MYO1D: variants seen among roughly 807,000 people sequenced by gnomAD.
MYO1D encodes the protein myosin ID.
Under a neutral mutation model 122.0 loss-of-function variants are expected in MYO1D, and 83 were observed. The ratio of observed to expected loss-of-function variants is 0.68; its 90% confidence interval spans 0.57 to 0.82. The LOEUF is 0.82. Among genes scored for constraint, MYO1D ranks in the 40% least tolerant of loss-of-function variants. The probability of loss-of-function intolerance (pLI) is 0.00; values close to 1 mark genes in which losing one functional copy is unlikely to be tolerated. For missense variants in MYO1D, 1,157 were observed against 1,269.5 expected (o/e 0.91, Z 1.35); for synonymous variants, 464 against 446.9 (o/e 1.04, Z -0.48).
chr17:32,808,153 T>C (rs2090535050), intron 1 of MYO1D, among the ~76,000 whole-genome samples: 1 of 152,028 alleles, frequency 6.6e-6, no homozygotes, highest in Admixed American at 6.6e-5. Context: ...GTGGGAGGAC[T>C]GTTTGAGGTC....
At chr17:32,764,058 G>T (rs928384112) in intron 8 of MYO1D, among the ~76,000 whole-genome samples, 11 of 152,192 alleles carry the variant, frequency 7.2e-5, no homozygotes, top group Admixed American at 5.9e-4. Context: ...GCAAAAAAGG[G>T]AAGTAAAGTG....
chr17:32,616,284 C>G (rs554930258), intron 20 of MYO1D, among the ~76,000 whole-genome samples: 40 of 152,178 alleles, frequency 2.6e-4, no homozygotes. Context: ...TTTGGGACAT[C>G]TTGGGAGTGG....
chr17:32,612,486 T>C (rs1023233869), intron 20 of MYO1D, among the ~76,000 whole-genome samples: 1 of 151,606 alleles, frequency 6.6e-6, no homozygotes, highest in African/African-American at 2.4e-5. Context: ...CGGGAGTTCA[T>C]GACCAGCCTG....
At chr17:32,611,040 T>C (rs2087694359) in intron 20 of MYO1D, among the ~76,000 whole-genome samples, 1 of 152,144 alleles carries the variant, frequency 6.6e-6, no homozygotes, top group Non-Finnish European at 1.5e-5. Flanking sequence ...CCCATTTCAA[T>C]TCTCCCAGCC....
intron 21 of MYO1D, among the ~76,000 whole-genome samples, chr17:32,564,243 A>G (rs414947): frequency 0.46 from 70,665 of 151,986 alleles, 16,783 homozygotes; most frequent in African/African-American, 0.55. Flanking sequence ...TCATGAGTTG[A>G]TCCATATGGG....
chr17:32,500,679 C>T (rs1909287889), intron 21 of MYO1D, among the ~76,000 whole-genome samples: 1 of 152,208 alleles, frequency 6.6e-6, no homozygotes, highest in Non-Finnish European at 1.5e-5. Context: ...ACGCCATCTA[C>T]ACACTGCCAT....
chr17:32,591,448 G>A (rs962188938), intron 21 of MYO1D, among the ~76,000 whole-genome samples: 16 of 152,034 alleles, frequency 1.1e-4, no homozygotes, highest in African/African-American at 1.5e-4. Context: ...AATGACAGGC[G>A]GCTCTTTCTA....
intron 21 of MYO1D, among the ~76,000 whole-genome samples, chr17:32,560,371 T>C (rs557664550): frequency 6.6e-6 from 1 of 151,498 alleles, no homozygotes; most frequent in South Asian, 2.1e-4. Context: ...AATTGATTCA[T>C]ATGACTATGG....
chr17:32,508,630 A>G (rs1391208525), intron 21 of MYO1D, among the ~76,000 whole-genome samples: 1 of 152,210 alleles, frequency 6.6e-6, no homozygotes, highest in African/African-American at 2.4e-5. Context: ...ATAGTCAAAC[A>G]GTATACAGTG....
intron 21 of MYO1D, among the ~76,000 whole-genome samples, chr17:32,526,355 C>T (rs1328592604): frequency 6.6e-6 from 1 of 152,146 alleles, no homozygotes; most frequent in Non-Finnish European, 1.5e-5. Flanking sequence ...AATTATTTGC[C>T]CTTCAATAGC....
intron 21 of MYO1D, chr17:32,602,658 C>T (rs1258827348): frequency 7.9e-5 from 12 of 152,174 alleles, no homozygotes; most frequent in Non-Finnish European, 1.8e-4. Flanking sequence ...CTGGTTCTTG[C>T]CTCAGCCTTG....
intron 16 of MYO1D, among the ~76,000 whole-genome samples, chr17:32,710,429 T>C (rs2089360705): frequency 6.6e-6 from 1 of 152,170 alleles, no homozygotes; most frequent in African/African-American, 2.4e-5. Flanking sequence ...TAAAACCATG[T>C]ATGAAGGTGG....
At chr17:32,633,097 C>A (rs2088044085) in intron 20 of MYO1D, among the ~76,000 whole-genome samples, 1 of 151,910 alleles carries the variant, frequency 6.6e-6, no homozygotes, top group Non-Finnish European at 1.5e-5. Flanking sequence ...AAGGTAGTAT[C>A]ACACATGTGA....
intron 21 of MYO1D, among the ~76,000 whole-genome samples, chr17:32,567,733 C>T (rs887554039): frequency 6.6e-6 from 1 of 152,116 alleles, no homozygotes; most frequent in Non-Finnish European, 1.5e-5. Flanking sequence ...GTCCAAGTAG[C>T]CCTGGAAGAA....
At chr17:32,805,977 G>A (rs2090507051) in intron 1 of MYO1D, among the ~76,000 whole-genome samples, 2 of 152,202 alleles carry the variant, frequency 1.3e-5, no homozygotes, top group Non-Finnish European at 2.9e-5. Context: ...GTAACCTTAT[G>A]GCCGGGTGCA....
intron 16 of MYO1D, among the ~76,000 whole-genome samples, chr17:32,674,502 A>C (rs748610032): frequency 1.3e-5 from 2 of 152,108 alleles, no homozygotes; most frequent in Non-Finnish European, 2.9e-5. Flanking sequence ...CTTGTCCTAG[A>C]CACTTGACAT....
At chr17:32,769,937 G>A (rs938827813) in intron 6 of MYO1D, among the ~76,000 whole-genome samples, 18 of 152,164 alleles carry the variant, frequency 1.2e-4, no homozygotes, top group African/African-American at 4.1e-4. Flanking sequence ...TAACTTAGTC[G>A]ATAAGACAAT....
chr17:32,855,620 A>G (rs2091021884), intron 1 of MYO1D, among the ~76,000 whole-genome samples: 1 of 152,130 alleles, frequency 6.6e-6, no homozygotes, highest in South Asian at 2.1e-4. Flanking sequence ...CTACTCCTAC[A>G]TCTAACATAG....
intron 21 of MYO1D, among the ~76,000 whole-genome samples, chr17:32,545,897 C>T (rs905776664): frequency 1.3e-5 from 2 of 151,570 alleles, no homozygotes; most frequent in African/African-American, 2.4e-5. Context: ...TTCTTTTTCT[C>T]GGTGTCTTTT....
Sources: gnomAD v4.1 joint callset for allele counts (sites outside exome capture counted in the v4.1 genomes callset) on GRCh38, gnomAD v4.1.1 for gene constraint, MANE v1.5 for transcripts, NCBI Gene and HGNC (gene_info 2026-07-23, HGNC 2026-07-21) for gene names.